Variants in MTUS1 observed in about 807,000 individuals in gnomAD.
MTUS1 encodes microtubule associated scaffold protein 1.
In MTUS1, 109 loss-of-function variants were observed where a neutral mutation model predicts 120.8. The ratio of observed to expected loss-of-function variants is 0.90; its 90% CI spans 0.77 to 1.06. MTUS1 has a LOEUF of 1.06. Ranked by LOEUF, MTUS1 falls within the 50% of genes least tolerant of loss-of-function variation. The pLI is 0.00. For synonymous variants in MTUS1, 737 were observed against 550.5 expected (o/e 1.34, Z -4.74); for missense variants, 2,210 against 1,486.3 (o/e 1.49, Z -8.01).
In MTUS1 at chr8:17,735,855, C is replaced by T. The variant is rs2904731; in HGVS notation, c.2287+7749G>A. ...TGAACTCTATCCTTATGGATTTCAC[C>T]GTCTAGAAGGAGACAGACATGTAAG... On this transcript the variant is annotated intron_variant, in intron 3 of 14. Coordinates refer to ENST00000693296, the MANE Select transcript of MTUS1 (RefSeq NM_001363059.2). Among the ~76,000 whole-genome samples the T allele has an allele frequency of 3.6e-4, 55 of 152,318 alleles. No individual in the cohort carries two copies. The East Asian group carries it at 7.7e-3, about 21-fold the overall frequency.
chr8:17,658,018 T>TAGACACACAC (rs1329886904), intron 8 of MTUS1, among the ~76,000 whole-genome samples: 1 of 63,644 alleles, frequency 1.6e-5, no homozygotes, highest in African/African-American at 4.8e-5. Flanking sequence ...ATACACTATA[T>TAGACACACAC]ATATAGACAC....
At chr8:17,787,097 A>G (rs1354185680) in intron 1 of MTUS1, among the ~76,000 whole-genome samples, 1 of 152,212 alleles carries the variant, frequency 6.6e-6, no homozygotes, top group Non-Finnish European at 1.5e-5. Context: ...GTGTAAACAC[A>G]GTGTTTGGCA....
intron 1 of MTUS1, among the ~76,000 whole-genome samples, chr8:17,777,390 G>A (rs982726703): frequency 6.6e-6 from 1 of 150,470 alleles, no homozygotes; most frequent in African/African-American, 2.4e-5. Flanking sequence ...AGTGAGTTGA[G>A]ATCACACCAC....
intron 7 of MTUS1, among the ~76,000 whole-genome samples, chr8:17,682,955 G>C (rs1248321386): frequency 6.6e-6 from 1 of 152,072 alleles, no homozygotes; most frequent in Non-Finnish European, 1.5e-5. Context: ...AAAAAATCTG[G>C]AGAAAGCTGT....
intron 6 of MTUS1, among the ~76,000 whole-genome samples, chr8:17,685,108 C>T (rs918411648): frequency 6.6e-6 from 1 of 152,168 alleles, no homozygotes; most frequent in African/African-American, 2.4e-5. Context: ...GATTTTGCCT[C>T]TTTAAGTTCA....
chr8:17,715,815 G>A lies in MTUS1; in HGVS notation c.2536C>T (p.Pro846Ser). 1.2e-6 allele frequency: 2 copies of A among 1,614,024 alleles called. No individual in the cohort carries two copies. The highest frequency in any genetic ancestry group is 1.1e-5 in the South Asian group (1 of 91,066). Reference sequence around the variant, plus strand: ...TGAACATGAGCCCTGGATACCAAAGGCTTCAAATAAAAGGATCCTGAGGAA... The same window carrying A: ...TGAACATGAGCCCTGGATACCAAAGACTTCAAATAAAAGGATCCTGAGGAA... ...NGSSGSFYLKPLVSRAHVHLM... is the reference protein window; with the variant it reads ...NGSSGSFYLKSLVSRAHVHLM... The change falls in exon 5 of 15, where the codon CCT becomes TCT. Residue 846 changes from proline to serine, a missense_variant. Pro to Ser is a moderately conservative substitution (Grantham distance 74). Coordinates refer to ENST00000693296, the MANE Select transcript of MTUS1 (RefSeq NM_001363059.2).
intron 6 of MTUS1, among the ~76,000 whole-genome samples, chr8:17,710,111 G>C (rs1433935355): frequency 6.6e-6 from 1 of 152,142 alleles, no homozygotes; most frequent in African/African-American, 2.4e-5. Context: ...GGAACATCTT[G>C]CCTCAATGTT....
At chr8:17,763,627 C>G (rs2049222769) in intron 1 of MTUS1, among the ~76,000 whole-genome samples, 1 of 152,066 alleles carries the variant, frequency 6.6e-6, no homozygotes, top group Non-Finnish European at 1.5e-5. Flanking sequence ...GACGACGGTG[C>G]ACTGAGGGAG....
In MTUS1 at chr8:17,760,413, C is replaced by G. The variant is rs2048953025; in HGVS notation, c.-154-4452G>C. 2.6e-5 allele frequency among the ~76,000 whole-genome samples: 4 copies of G among 152,232 alleles called. No individual in the cohort carries two copies. In the South Asian group the frequency reaches 6.2e-4, roughly 24 times the overall value. On this transcript the variant is annotated intron_variant, in intron 1 of 14. Transcript: ENST00000693296. ...ATATCAAAAAGGTTCTGCAGTTAAG[C>G]TGATCAGTTCCAGCAAGATGGAAGA... is the stretch of plus-strand genomic sequence containing the variant.
chr8:17,713,180 T>G lies in MTUS1; in HGVS notation c.2623+34A>C, dbSNP rs778579347. ...TAGTAACATAACTTTACAAAAAGAT[T>G]CTTTTTATCGCCATCCATAAAGTGG... On this transcript the variant is annotated intron_variant, in intron 6 of 14. Coordinates refer to ENST00000693296, the MANE Select transcript of MTUS1 (RefSeq NM_001363059.2). 2.6e-6 allele frequency: 4 copies of G among 1,536,644 alleles called. No individual in the cohort carries two copies. In the African/African-American group the frequency reaches 5.5e-5, roughly 21 times the overall value.
intron 4 of MTUS1, chr8:17,722,525 C>A (rs1027489308): frequency 5.1e-6 from 5 of 985,322 alleles, no homozygotes; most frequent in Non-Finnish European, 6.0e-6. Flanking sequence ...TTGCAAGTCA[C>A]ATATCCCAGT....
chr8:17,673,536 CG>C (rs1339349054), intron 8 of MTUS1, among the ~76,000 whole-genome samples: 2 of 152,136 alleles, frequency 1.3e-5, no homozygotes, highest in Non-Finnish European at 2.9e-5. Flanking sequence ...ACTGCAGTCT[CG>C]AACTCCTGGG....
Position 17,655,979 on chromosome 8 carries a change from C to A in MTUS1, c.2992G>T (p.Ala998Ser). 1 of 1,614,204 alleles carries A rather than the reference C, an allele frequency of 6.2e-7. No homozygotes were observed. The highest frequency in any genetic ancestry group is 1.7e-5 in the Admixed American group (1 of 60,024). The change falls in exon 9 of 15, where the codon GCT (alanine) becomes TCT (serine). Residue 998 changes from alanine to serine, a missense_variant. By Grantham distance (99) the Ala-to-Ser change is moderately conservative. Transcript: ENST00000693296. ...CGATTCTCTCGTTCTGTTTTTTCAG[C>A]CTGGTGCTGCTGGACGAATGCTTCA... ...VYEAFVQQHQAEKTERENRLK... is the reference protein window; with the variant it reads ...VYEAFVQQHQSEKTERENRLK...
At position 17,743,779 on chromosome 8, in the gene MTUS1, C is replaced by T. The variant is rs1203642197; in HGVS notation, c.2112G>A (p.Thr704=). 9 of 1,613,628 alleles carry T rather than the reference C, an allele frequency of 5.6e-6. No individual in the cohort carries two copies. The highest frequency in any genetic ancestry group is 1.1e-5 in the South Asian group (1 of 91,032). ...TGGATATATTCCTACCTGAGGTGGT[C>T]GTTGTTTTTGAAGCAGAGCCCTGTG... ...SLFLGSASKT[T]TTSGRNISKP... The change falls in exon 3 of 15, where the codon ACG becomes ACA. Residue 704 remains threonine (T), a synonymous_variant. Transcript: ENST00000693296.
intron 1 of MTUS1, among the ~76,000 whole-genome samples, chr8:17,778,497 A>G (rs1053005874): frequency 6.6e-6 from 1 of 152,318 alleles, no homozygotes; most frequent in Admixed American, 6.5e-5. Flanking sequence ...ATTCTGCTAT[A>G]TGTAAATTAT....
intron 2 of MTUS1, among the ~76,000 whole-genome samples, chr8:17,750,629 G>A (rs1247259854): frequency 2.0e-5 from 3 of 152,108 alleles, no homozygotes; most frequent in East Asian, 1.9e-4. Context: ...TTAAAATGTC[G>A]ACAACAATTG....
At chr8:17,647,985 C>G (rs1009060817) in intron 13 of MTUS1, among the ~76,000 whole-genome samples, 1 of 152,116 alleles carries the variant, frequency 6.6e-6, no homozygotes, top group East Asian at 1.9e-4. Flanking sequence ...ACAACCTGTT[C>G]AGGTTAAATC....
intron 1 of MTUS1, among the ~76,000 whole-genome samples, chr8:17,780,306 G>A (rs1036061627): frequency 2.0e-5 from 3 of 152,200 alleles, no homozygotes; most frequent in Non-Finnish European, 2.9e-5. Context: ...GGCCTCATCA[G>A]AAGCACATGC....
rs555938355 is a variant in MTUS1 at position 17,782,434 on chromosome 8, G to C, written c.-155+18627C>G. ...TACATTATCTTCTGCTACGCCTCTA[G>C]GAAACAAGACTATAATAACTTGAAT... On this transcript the variant is annotated intron_variant, in intron 1 of 14. Coordinates refer to ENST00000693296, the MANE Select transcript of MTUS1 (RefSeq NM_001363059.2). Among the ~76,000 whole-genome samples, 17 of 152,184 alleles carry C rather than the reference G, an allele frequency of 1.1e-4. No individual in the cohort carries two copies. In the South Asian group the frequency reaches 1.7e-3, roughly 15 times the overall value.
Sources: allele counts gnomAD v4.1 joint callset (sites outside exome capture counted in the v4.1 genomes callset), GRCh38; gene constraint gnomAD v4.1.1; transcripts MANE v1.5; gene names NCBI Gene and HGNC (gene_info 2026-07-23, HGNC 2026-07-21).